Variants in FHIT observed in about 807,000 individuals in gnomAD.
The protein encoded by FHIT is bis(5'-adenosyl)-triphosphatase.
A neutral mutation model predicts 17.9 loss-of-function variants in FHIT; 19 were observed. The ratio of observed to expected loss-of-function variants is 1.06; its 90% CI spans 0.74 to 1.56. The LOEUF is 1.56. Ranked by LOEUF, FHIT falls within the 40% of genes most tolerant of loss-of-function variation. FHIT has a pLI of 0.00. For missense variants in FHIT, 248 were observed against 189.2 expected (o/e 1.31, Z -1.82); for synonymous variants, 81 against 69.7 (o/e 1.16, Z -0.81).
intron 3 of FHIT, among the ~76,000 whole-genome samples, chr3:60,909,669 C>A (rs1174015893): frequency 6.6e-6 from 1 of 152,154 alleles, no homozygotes; most frequent in Non-Finnish European, 1.5e-5. Flanking sequence ...TTTTCATTTT[C>A]TTTACAATTT....
At chr3:60,300,938 T>TC (rs140602476) in intron 5 of FHIT, among the ~76,000 whole-genome samples, 2,001 of 152,148 alleles carry the variant, frequency 0.013, 19 homozygotes, top group Non-Finnish European at 0.019. Context: ...ACTGTAATAG[T>TC]CATCTCCCAA....
At chr3:60,204,450 T>TG (rs1559725359) in intron 5 of FHIT, among the ~76,000 whole-genome samples, 11 of 105,776 alleles carry the variant, frequency 1.0e-4, no homozygotes, top group South Asian at 3.3e-4. Context: ...TCTGGTTTTT[T>TG]TTTTTTTGTT....
At chr3:60,080,084 T>C (rs1200698066) in intron 5 of FHIT, among the ~76,000 whole-genome samples, 1 of 152,172 alleles carries the variant, frequency 6.6e-6, no homozygotes. Flanking sequence ...CTTTTCTATT[T>C]CCGTGTAATG....
chr3:60,223,477 G>A (rs994773141), intron 5 of FHIT, among the ~76,000 whole-genome samples: 8 of 152,110 alleles, frequency 5.3e-5, no homozygotes, highest in Non-Finnish European at 1.2e-4. Flanking sequence ...GTGGTAATCC[G>A]AGAGCTTTTA....
chr3:61,037,321 C>A (rs1426577176), intron 3 of FHIT, among the ~76,000 whole-genome samples: 7 of 152,086 alleles, frequency 4.6e-5, no homozygotes, highest in African/African-American at 1.7e-4. Flanking sequence ...AAAATCCACC[C>A]AGGGAGTGTC....
intron 3 of FHIT, among the ~76,000 whole-genome samples, chr3:60,931,587 C>A (rs1707958698): frequency 1.6e-5 from 2 of 128,846 alleles, no homozygotes; most frequent in Non-Finnish European, 3.7e-5. Context: ...AAGCTTCCGG[C>A]TTCCACCCCT....
chr3:60,532,911 C>T (rs1258206930), intron 5 of FHIT, among the ~76,000 whole-genome samples: 1 of 152,098 alleles, frequency 6.6e-6, no homozygotes, highest in Non-Finnish European at 1.5e-5. Context: ...ATGACATTTA[C>T]AAGCCTCTCA....
At chr3:59,965,850 C>G (rs934890370) in intron 7 of FHIT, among the ~76,000 whole-genome samples, 2 of 152,152 alleles carry the variant, frequency 1.3e-5, no homozygotes, top group African/African-American at 4.8e-5. Flanking sequence ...AACTCAACTT[C>G]TAATTTCCTC....
intron 5 of FHIT, among the ~76,000 whole-genome samples, chr3:60,416,253 G>C (rs1490409982): frequency 6.6e-6 from 1 of 151,982 alleles, no homozygotes; most frequent in Non-Finnish European, 1.5e-5. Context: ...AAGAAGAGGA[G>C]AAATAGGTAT....
intron 8 of FHIT, among the ~76,000 whole-genome samples, chr3:59,864,441 A>G (rs896014442): frequency 6.6e-6 from 1 of 152,168 alleles, no homozygotes; most frequent in Non-Finnish European, 1.5e-5. Flanking sequence ...TGGAACTGTA[A>G]GTCCAATTAA....
intron 4 of FHIT, among the ~76,000 whole-genome samples, chr3:60,559,469 T>C (rs1054500766): frequency 2.6e-5 from 4 of 152,204 alleles, no homozygotes; most frequent in Admixed American, 2.0e-4. Context: ...ATGTCCCCTC[T>C]TGCCTTGATG....
At position 60,890,181 on chromosome 3, in the gene FHIT, T is replaced by C. The variant is rs78020137; in HGVS notation, c.-110-68170A>G. Among the ~76,000 whole-genome samples the C allele has an allele frequency of 3.9e-4, 57 of 145,036 alleles. 2 individuals are homozygous for C. In the East Asian group the frequency reaches 0.011, roughly 27 times the overall value. ...GGTAGTCCTTAACAAGGCTGGCAGCTTCTACTTTGAAACTTTCCAAAAAAT... is the reference window on the plus strand; with the variant it reads ...GGTAGTCCTTAACAAGGCTGGCAGCCTCTACTTTGAAACTTTCCAAAAAAT... On this transcript the variant is annotated intron_variant, in intron 3 of 9. Transcript: ENST00000492590.
At chr3:60,275,098 C>T (rs1707061584) in intron 5 of FHIT, among the ~76,000 whole-genome samples, 1 of 151,824 alleles carries the variant, frequency 6.6e-6, no homozygotes. Flanking sequence ...GATTCAAGTT[C>T]ATTTATTTGT....
intron 5 of FHIT, among the ~76,000 whole-genome samples, chr3:60,493,335 C>T (rs187889234): frequency 2.0e-5 from 3 of 152,084 alleles, no homozygotes; most frequent in Non-Finnish European, 2.9e-5. Flanking sequence ...CAGCCTATAT[C>T]CAAGGAAGAT....
At chr3:60,137,098 C>T (rs1405778510) in intron 5 of FHIT, among the ~76,000 whole-genome samples, 1 of 152,182 alleles carries the variant, frequency 6.6e-6, no homozygotes, top group Admixed American at 6.5e-5. Context: ...GTAGTAAGAA[C>T]TAACAAATCA....
At chr3:59,756,696 T>G (rs1401777220) in intron 8 of FHIT, among the ~76,000 whole-genome samples, 1 of 152,164 alleles carries the variant, frequency 6.6e-6, no homozygotes, top group Non-Finnish European at 1.5e-5. Context: ...AACTAGGTTG[T>G]TCCCAAAGTT....
intron 4 of FHIT, among the ~76,000 whole-genome samples, chr3:60,753,124 G>A (rs1431730924): frequency 2.6e-5 from 4 of 152,166 alleles, no homozygotes; most frequent in African/African-American, 9.7e-5. Flanking sequence ...ATGAAGGTGA[G>A]TTGCAGGCAT....
chr3:59,967,694 G>C (rs1707990508), intron 7 of FHIT, among the ~76,000 whole-genome samples: 1 of 152,102 alleles, frequency 6.6e-6, no homozygotes, highest in Non-Finnish European at 1.5e-5. Flanking sequence ...AGGCACCTCA[G>C]TTTCTATGTT....
At chr3:60,703,742 C>T (rs986593043) in intron 4 of FHIT, among the ~76,000 whole-genome samples, 1 of 151,938 alleles carries the variant, frequency 6.6e-6, no homozygotes, top group Non-Finnish European at 1.5e-5. Flanking sequence ...TTAAAGCTTT[C>T]GTATGTTACA....
Sources: allele counts gnomAD v4.1 joint callset (sites outside exome capture counted in the v4.1 genomes callset), GRCh38; gene constraint gnomAD v4.1.1; transcripts MANE v1.5; gene names NCBI Gene and HGNC (gene_info 2026-07-23, HGNC 2026-07-21).